The following SH3PXD2B variants were observed in gnomAD, a reference collection of about 807,000 sequenced individuals.
The protein encoded by SH3PXD2B is SH3 and PX domains 2B, also known as SH3 and PX domain-containing protein 2B.
Under a neutral mutation model 73.1 loss-of-function variants are expected in SH3PXD2B, and 37 were observed. The observed-to-expected ratio is 0.51, with a 90% confidence interval of 0.39 to 0.67. SH3PXD2B has a LOEUF of 0.67. SH3PXD2B is among the 30% of genes least tolerant of loss of function. The pLI, the probability that SH3PXD2B is intolerant of heterozygous loss-of-function variation, is 0.00. For missense variants in SH3PXD2B, 1,053 were observed against 1,197.8 expected, an observed-to-expected ratio of 0.88 and a Z score of 1.78; for synonymous variants, 457 against 480.5, an observed-to-expected ratio of 0.95 and a Z score of 0.64.
At chr5:172,346,005 G>C (rs1019444401) in intron 12 of SH3PXD2B, 131 bp downstream of exon 12, 2 of 1,390,184 alleles carry the variant, frequency 1.4e-6, no homozygotes, top group African/African-American at 2.8e-5. Flanking sequence ...TATGGTATGT[G>C]AACCATAAAG....
At chr5:172,350,324 G>T in intron 10 of SH3PXD2B, 39 bp downstream of exon 10, 2 of 1,599,938 alleles carry the variant, frequency 1.3e-6, no homozygotes, top group South Asian at 1.1e-5. Context: ...TGGCACACAG[G>T]GGCCCTGATT....
downstream of SH3PXD2B, among the ~76,000 whole-genome samples, chr5:172,329,849 C>T (rs983667082): frequency 1.3e-5 from 2 of 152,108 alleles, no homozygotes; most frequent in Admixed American, 6.6e-5. Context: ...CCTCCTGGAT[C>T]TTAAGAGGGG....
intron 1 of SH3PXD2B, among the ~76,000 whole-genome samples, chr5:172,453,319 C>T (rs1759844001): frequency 6.6e-6 from 1 of 152,146 alleles, no homozygotes; most frequent in Non-Finnish European, 1.5e-5. Flanking sequence ...GACACTATAG[C>T]CCCCTTCCCT....
intron 6 of SH3PXD2B, among the ~76,000 whole-genome samples, chr5:172,368,498 A>ATATATATATATAAAATATATATAT (rs1203027941): frequency 0.14 from 776 of 5,746 alleles, 188 homozygotes; most frequent in Middle Eastern, 0.38. Flanking sequence ...TATATATATT[A>ATATATATATATAAAATATATATAT]TATATATATA....
At chr5:172,453,198 A>C (rs922582293) in intron 1 of SH3PXD2B, among the ~76,000 whole-genome samples, 1 of 151,702 alleles carries the variant, frequency 6.6e-6, no homozygotes, top group Non-Finnish European at 1.5e-5. Context: ...TTTTCTATTC[A>C]TTGTTCTATA....
At chr5:172,437,611 C>G (rs1759425137) in intron 1 of SH3PXD2B, among the ~76,000 whole-genome samples, 1 of 152,372 alleles carries the variant, frequency 6.6e-6, no homozygotes, top group South Asian at 2.1e-4. Flanking sequence ...ACGTCAGCGC[C>G]AGGAATCACC....
chr5:172,448,685 A>C (rs1469675002), intron 1 of SH3PXD2B, among the ~76,000 whole-genome samples: 2 of 152,244 alleles, frequency 1.3e-5, no homozygotes, highest in African/African-American at 2.4e-5. Flanking sequence ...CCGTGCATAC[A>C]TCACCAAAAG....
intron 2 of SH3PXD2B, among the ~76,000 whole-genome samples, chr5:172,416,569 G>A (rs1329585141): frequency 4.0e-5 from 6 of 148,712 alleles, no homozygotes; most frequent in African/African-American, 1.5e-4. Context: ...CTTGTGATCC[G>A]CCCACCTCGG....
At chr5:172,413,779 CT>C (rs1017126021) in intron 2 of SH3PXD2B, among the ~76,000 whole-genome samples, 11 of 152,180 alleles carry the variant, frequency 7.2e-5, no homozygotes, top group African/African-American at 2.7e-4. Flanking sequence ...ATGGTAATAG[CT>C]TTTAGTGGGA....
At chr5:172,325,429 A>G in intron 12 of SH3PXD2B, 1 of 1,300,310 alleles carries the variant, frequency 7.7e-7, no homozygotes, top group Non-Finnish European at 1.1e-6. Flanking sequence ...TCCTTTCCAA[A>G]CGAAAGACTA....
intron 10 of SH3PXD2B, among the ~76,000 whole-genome samples, chr5:172,347,765 G>A (rs1757028270): frequency 6.6e-6 from 1 of 152,190 alleles, no homozygotes; most frequent in Non-Finnish European, 1.5e-5. Flanking sequence ...GGGCAGCGGT[G>A]AGGATGAAAG....
chr5:172,437,796 G>A (rs1759428555), intron 1 of SH3PXD2B, among the ~76,000 whole-genome samples: 1 of 152,166 alleles, frequency 6.6e-6, no homozygotes, highest in Admixed American at 6.5e-5. Flanking sequence ...CTGTCCACAG[G>A]GCACGCAGCG....
At chr5:172,440,097 C>T (rs537063073) in intron 1 of SH3PXD2B, among the ~76,000 whole-genome samples, 1 of 152,310 alleles carries the variant, frequency 6.6e-6, no homozygotes, top group African/African-American at 2.4e-5. Context: ...TGCCAGGCCT[C>T]AGAGGAGCCT....
At chr5:172,364,536 G>A (rs572342589) in intron 6 of SH3PXD2B, among the ~76,000 whole-genome samples, 44 of 152,214 alleles carry the variant, frequency 2.9e-4, no homozygotes, top group East Asian at 1.7e-3. Context: ...ATGCTGGCAC[G>A]CGCCTGTAGT....
intron 6 of SH3PXD2B, among the ~76,000 whole-genome samples, chr5:172,368,423 A>G (rs2468434): frequency 0.52 from 54,879 of 106,316 alleles, 16,820 homozygotes; most frequent in East Asian, 0.74. Context: ...GGCCTGTGAT[A>G]TGTTTTGGTG....
chr5:172,362,654 AG>A, intron 7 of SH3PXD2B, 80 bp downstream of exon 7: 1 of 1,605,952 alleles, frequency 6.2e-7, no homozygotes, highest in Non-Finnish European at 8.5e-7. Flanking sequence ...TGGCCATTTC[AG>A]TTTCTGAGTT....
At chr5:172,379,368 T>C (rs1757893548) in intron 5 of SH3PXD2B, among the ~76,000 whole-genome samples, 1 of 150,494 alleles carries the variant, frequency 6.6e-6, no homozygotes, top group African/African-American at 2.4e-5. Context: ...TCTCTCTCTC[T>C]CTCTCTCCCA....
chr5:172,362,192 G>A (rs57603318), intron 7 of SH3PXD2B, among the ~76,000 whole-genome samples: 6,231 of 144,736 alleles, frequency 0.043, 209 homozygotes, highest in South Asian at 0.21. Context: ...ATAAGAAAAC[G>A]AACAGTCAGA....
chr5:172,382,745 T>C (rs1757977766), intron 4 of SH3PXD2B, among the ~76,000 whole-genome samples: 2 of 152,234 alleles, frequency 1.3e-5, no homozygotes, highest in African/African-American at 4.8e-5. Context: ...TTTATTTATG[T>C]TGAGACAGGA....
Sources: gnomAD v4.1 joint callset for allele counts (sites outside exome capture counted in the v4.1 genomes callset) on GRCh38, gnomAD v4.1.1 for gene constraint, MANE v1.5 for transcripts, NCBI Gene and HGNC (gene_info 2026-07-23, HGNC 2026-07-21) for gene names.